The following OR12D2 variants were observed in gnomAD, a reference collection of about 807,000 sequenced individuals.
OR12D2 encodes the protein olfactory receptor 12D2.
For synonymous variants in OR12D2, 146 were observed against 142.3 expected, an observed-to-expected ratio of 1.03 and a Z score of -0.19; for missense variants, 345 against 371.6, an observed-to-expected ratio of 0.93 and a Z score of 0.59.
chr6:29,396,778 G>T lies in OR12D2; in HGVS notation c.79G>T (p.Val27Leu). The T allele has an allele frequency of 5.6e-6, 9 of 1,612,952 alleles. No individual in the cohort carries two copies. The highest frequency in any genetic ancestry group is 1.1e-5 in the South Asian group (1 of 91,082). ...TCAAGAACTGCAGCCTTTTCTCTTC[G>T]TGGTTTTCCTCACCATCTACTTCAT... ...DIQELQPFLF[V>L]VFLTIYFISV... is the part of the protein sequence containing the mutation. The change falls in exon 2 of 2, where the codon GTG becomes TTG. Residue 27 changes from valine (V) to leucine (L), a missense_variant. Physicochemically the swap from Val to Leu is conservative, Grantham distance 32. Coordinates refer to ENST00000642051, the MANE Select transcript of OR12D2 (RefSeq NM_013936.4).
rs1331310656 is a variant in OR12D2 at position 29,397,941 on chromosome 6, G to A, written c.*318G>A. On this transcript the variant is annotated 3_prime_UTR_variant, in exon 2 of 2. Coordinates refer to ENST00000642051, the MANE Select transcript of OR12D2 (RefSeq NM_013936.4). ...GTAGAATTTTGCCTATATTGCCCATGTATTGTATAGATAGATGATATTTAG... is the reference window on the plus strand; with the variant it reads ...GTAGAATTTTGCCTATATTGCCCATATATTGTATAGATAGATGATATTTAG... 2 of 308,444 alleles carry A rather than the reference G, an allele frequency of 6.5e-6. No individual in the cohort carries two copies. The highest frequency in any genetic ancestry group is 4.3e-5 in the African/African-American group (2 of 46,600). 19.1% of individuals were successfully genotyped at this position (308,444 alleles called of 1,614,324 possible).
In OR12D2 at chr6:29,397,511, G is replaced by A. The variant is rs768676719; in HGVS notation, c.812G>A (p.Arg271Gln). The change falls in exon 2 of 2, where the codon CGG (arginine) becomes CAG (glutamine). Residue 271 changes from arginine to glutamine, a missense_variant. Transcript: ENST00000642051. The part of the protein sequence containing the change: ...PALESFMDQD[R>Q]IVAIMYTVVT... ...TTAGAGAGCTTCATGGACCAGGACC[G>A]GATTGTTGCCATCATGTACACTGTG... is the stretch of plus-strand genomic sequence containing the variant. 6.8e-6 allele frequency: 11 copies of A among 1,612,900 alleles called. No homozygotes were observed. The highest frequency in any genetic ancestry group is 3.3e-4 in the Middle Eastern group (2 of 6,062).
Position 29,397,258 on chromosome 6 carries a change from T to A in OR12D2, c.559T>A (p.Cys187Ser). ...CDIKPLLKLA[C>S]GNTELNQWLL... is the part of the protein sequence containing the mutation. ...TATTAAGCCATTGCTAAAGCTGGCC[T>A]GTGGGAACACTGAGCTTAATCAGTG... The change falls in exon 2 of 2, where the codon TGT becomes AGT. Residue 187 changes from cysteine (C) to serine (S), a missense_variant. By Grantham distance (112) the Cys-to-Ser change is moderately radical (BLOSUM62 -1). Coordinates refer to ENST00000642051, the MANE Select transcript of OR12D2 (RefSeq NM_013936.4). 6.2e-7 allele frequency: 1 copy of A among 1,613,094 alleles called. No individual in the cohort carries two copies. The highest frequency in any genetic ancestry group is 8.5e-7 in the Non-Finnish European group (1 of 1,180,024).
At position 29,397,159 on chromosome 6, in the gene OR12D2, G is replaced by A. The variant is rs765400893; in HGVS notation, c.460G>A (p.Ala154Thr). ...ITIWVIGFFH[A>T]LLHSVMTSRL... The stretch of plus-strand genomic sequence containing the variant: ...AATCTGGGTCATTGGTTTTTTCCAT[G>A]CCCTGCTGCACTCCGTAATGACTTC... Residue 154 changes from alanine (A) to threonine (T), a missense_variant, in exon 2 of 2, where the codon GCC (alanine) becomes ACC (threonine). Physicochemically the swap from Ala to Thr is moderately conservative, Grantham distance 58 (BLOSUM62 0). Coordinates refer to ENST00000642051, the MANE Select transcript of OR12D2 (RefSeq NM_013936.4). The A allele has an allele frequency of 3.7e-6, 6 of 1,612,996 alleles. No homozygotes were observed. The highest frequency in any genetic ancestry group is 5.1e-6 in the Non-Finnish European group (6 of 1,180,004).
At position 29,397,571 on chromosome 6, in the gene OR12D2, T is replaced by C; in HGVS notation, c.872T>C (p.Leu291Ser). The stretch of plus-strand genomic sequence containing the variant: ...GTACTAAACCCACTGATCTATACTT[T>C]GAGGAACAAGGAAGTGAAGGGGGCC... ...TPVLNPLIYT[L>S]RNKEVKGALG... is the part of the protein sequence containing the mutation. The change falls in exon 2 of 2, where the codon TTG (leucine) becomes TCG (serine). Residue 291 changes from leucine to serine, a missense_variant. Leu to Ser is a moderately radical substitution (Grantham distance 145, BLOSUM62 -2). Transcript: ENST00000642051. The C allele has an allele frequency of 6.2e-7, 1 of 1,612,954 alleles. No homozygotes were observed.
intron 1 of OR12D2, among the ~76,000 whole-genome samples, chr6:29,396,131 C>CCTAAGTCAAAAAA (rs1780504052): frequency 4.0e-5 from 1 of 25,248 alleles, no homozygotes; most frequent in Non-Finnish European, 9.8e-5. Context: ...ATCTTCCTCT[C>CCTAAGTCAAAAAA]TTTTTTTTTT....
Position 29,397,879 on chromosome 6 carries a change from A to C in OR12D2, c.*256A>C. Reference sequence around the variant, plus strand: ...GAATATCAGTTGATGTAATTGACTTATTATGTATTCTAACATGTACTTGTA... The same window carrying C: ...GAATATCAGTTGATGTAATTGACTTCTTATGTATTCTAACATGTACTTGTA... On this transcript the variant is annotated 3_prime_UTR_variant, in exon 2 of 2. Transcript: ENST00000642051. 2.1e-6 allele frequency: 1 copy of C among 484,892 alleles called. No individual in the cohort carries two copies. The highest frequency in any genetic ancestry group is 3.6e-6 in the Non-Finnish European group (1 of 276,760). 30.0% of individuals were successfully genotyped at this position (484,892 alleles called of 1,614,324 possible).
chr6:29,397,509 C>G lies in OR12D2; in HGVS notation c.810C>G (p.Asp270Glu), dbSNP rs1476552830. The G allele has an allele frequency of 6.2e-7, 1 of 1,612,880 alleles. No homozygotes were observed. The highest frequency in any genetic ancestry group is 8.5e-7 in the Non-Finnish European group (1 of 1,179,996). The change falls in exon 2 of 2, where the codon GAC (aspartate) becomes GAG (glutamate). Residue 270 changes from aspartate to glutamate, a missense_variant. Physicochemically the swap from Asp to Glu is conservative, Grantham distance 45 (BLOSUM62 2). Transcript: ENST00000642051. Reference sequence around the variant, plus strand: ...CGTTAGAGAGCTTCATGGACCAGGACCGGATTGTTGCCATCATGTACACTG... The same window carrying G: ...CGTTAGAGAGCTTCATGGACCAGGAGCGGATTGTTGCCATCATGTACACTG... Reference protein sequence around the residue: ...HPALESFMDQDRIVAIMYTVV... With the variant: ...HPALESFMDQERIVAIMYTVV...
In OR12D2 at chr6:29,397,445, T is replaced by C. The variant is rs1780614258; in HGVS notation, c.746T>C (p.Leu249Pro). Residue 249 changes from leucine to proline, a missense_variant, in exon 2 of 2, where the codon CTT (leucine) becomes CCT (proline). By Grantham distance (98) the Leu-to-Pro change is moderately conservative (BLOSUM62 -3). Transcript: ENST00000642051. ...GCCTCCCACTTCATGGTAGTTATTC[T>C]TTTCTATGCACCTGTTCTTTTCACC... is the stretch of plus-strand genomic sequence containing the variant. ...TCASHFMVVILFYAPVLFTYI... is the reference protein window; with the variant it reads ...TCASHFMVVIPFYAPVLFTYI... The C allele has an allele frequency of 1.9e-6, 3 of 1,612,964 alleles. No individual in the cohort carries two copies. In the Admixed American group the frequency reaches 5.0e-5, roughly 27 times the overall value.
chr6:29,396,373 G>A (rs944122344), intron 1 of OR12D2, among the ~76,000 whole-genome samples: 52 of 152,226 alleles, frequency 3.4e-4, no homozygotes, highest in East Asian at 1.2e-3. Flanking sequence ...ACTTGGGATA[G>A]GAAAGGAAAG....
chr6:29,397,635 C>T lies in OR12D2; in HGVS notation c.*12C>T. 2 of 1,600,976 alleles carry T rather than the reference C, an allele frequency of 1.2e-6. No individual in the cohort carries two copies. Among genetic ancestry groups the T allele is most frequent in the Non-Finnish European group, 8.5e-7 (1 of 1,173,146 alleles). Reference sequence around the variant, plus strand: ...TCAGAAGGCTTTGATTTGAATAAACCAGAGAACTCTACTGAGGCATAAATA... The same window carrying T: ...TCAGAAGGCTTTGATTTGAATAAACTAGAGAACTCTACTGAGGCATAAATA... On this transcript the variant is annotated 3_prime_UTR_variant, in exon 2 of 2. Transcript: ENST00000642051.
At position 29,397,632 on chromosome 6, in the gene OR12D2, A is replaced by G; in HGVS notation, c.*9A>G. 6.2e-7 allele frequency: 1 copy of G among 1,602,464 alleles called. No homozygotes were observed. The highest frequency in any genetic ancestry group is 2.2e-5 in the East Asian group (1 of 44,810). On this transcript the variant is annotated 3_prime_UTR_variant, in exon 2 of 2. Transcript: ENST00000642051. ...TGATCAGAAGGCTTTGATTTGAATA[A>G]ACCAGAGAACTCTACTGAGGCATAA...
In OR12D2 at chr6:29,397,337, T is replaced by C. The variant is rs1366425798; in HGVS notation, c.638T>C (p.Leu213Pro). Residue 213 changes from leucine (L) to proline (P), a missense_variant, in exon 2 of 2, where the codon CTT (leucine) becomes CCT (proline). Transcript: ENST00000642051. Reference protein sequence around the residue: ...TIAMGPFFLTLLSYFYIITYL... With the variant: ...TIAMGPFFLTPLSYFYIITYL... ...GCCATGGGCCCCTTCTTTCTGACAC[T>C]TCTCTCCTATTTCTACATTATCACT... is the stretch of plus-strand genomic sequence containing the variant. The C allele has an allele frequency of 6.2e-7, 1 of 1,613,140 alleles. No homozygotes were observed. Among genetic ancestry groups the C allele is most frequent in the Non-Finnish European group, 8.5e-7 (1 of 1,180,036 alleles).
At chr6:29,396,482 T>C (rs1780525233) in intron 1 of OR12D2, 1 of 522,842 alleles carries the variant, frequency 1.9e-6, no homozygotes, top group East Asian at 3.0e-5. Context: ...AATGATAAAC[T>C]TAATTTTAAA....
rs768158100 is a variant in OR12D2, at chr6:29,397,268, C to T, written c.569C>T (p.Thr190Ile). 1 of 1,613,096 alleles carries T rather than the reference C, an allele frequency of 6.2e-7. No individual in the cohort carries two copies. Among genetic ancestry groups the T allele is most frequent in the South Asian group, 1.1e-5 (1 of 91,082 alleles). ...TTGCTAAAGCTGGCCTGTGGGAACA[C>T]TGAGCTTAATCAGTGGCTACTCAGT... ...KPLLKLACGN[T>I]ELNQWLLSTV... The change falls in exon 2 of 2, where the codon ACT becomes ATT. Residue 190 changes from threonine (T) to isoleucine (I), a missense_variant. Transcript: ENST00000642051.
chr6:29,397,694 A>C lies in OR12D2; in HGVS notation c.*71A>C, dbSNP rs1201966760. 1.5e-6 allele frequency: 2 copies of C among 1,334,474 alleles called. No individual in the cohort carries two copies. Among genetic ancestry groups the C allele is most frequent in the East Asian group, 2.3e-5 (1 of 43,140 alleles). The allele number at this position is 1,334,474 out of a possible 1,614,324, so 82.7% of individuals were successfully genotyped here. A position where few individuals can be genotyped will look rare whatever the true frequency, so the allele number is the denominator to read the frequency against. On this transcript the variant is annotated 3_prime_UTR_variant, in exon 2 of 2. Coordinates refer to ENST00000642051, the MANE Select transcript of OR12D2 (RefSeq NM_013936.4). ...TGAAAAAGTAGAGATGTGTAATTTT[A>C]CTGCTTCTCAGATGGTTTATAAGTG...
chr6:29,396,031 G>A (rs9257829), intron 1 of OR12D2, among the ~76,000 whole-genome samples: 54,486 of 151,870 alleles, frequency 0.36, 10,575 homozygotes, highest in Non-Finnish European at 0.44. Context: ...CCTCATCTAC[G>A]TTCTAAGATG....
rs36211076 is a variant in OR12D2 at position 29,397,554 on chromosome 6, C to T, written c.855C>T (p.Asn285=). Residue 285 remains asparagine (N), a synonymous_variant, in exon 2 of 2, where the codon AAC becomes AAT. Transcript: ENST00000642051. Reference sequence around the variant, plus strand: ...ACACTGTGGTCACTCCTGTACTAAACCCACTGATCTATACTTTGAGGAACA... The same window carrying T: ...ACACTGTGGTCACTCCTGTACTAAATCCACTGATCTATACTTTGAGGAACA... The part of the protein sequence containing the change: ...IMYTVVTPVL[N]PLIYTLRNKE... 1 of 1,612,976 alleles carries T rather than the reference C, an allele frequency of 6.2e-7. No homozygotes were observed. The highest frequency in any genetic ancestry group is 8.5e-7 in the Non-Finnish European group (1 of 1,179,994).
chr6:29,396,408 T>G (rs1011417843), intron 1 of OR12D2: 3 of 401,082 alleles, frequency 7.5e-6, no homozygotes, highest in African/African-American at 4.1e-5. Context: ...GGATGTATTC[T>G]TCTCAACCAG....
Sources: allele counts gnomAD v4.1 joint callset (sites outside exome capture counted in the v4.1 genomes callset), GRCh38; gene constraint gnomAD v4.1.1; transcripts MANE v1.5; gene names NCBI Gene and HGNC (gene_info 2026-07-23, HGNC 2026-07-21).